ATP2A1: variants seen among roughly 807,000 people sequenced by gnomAD.
ATP2A1 encodes sarcoplasmic/endoplasmic reticulum calcium ATPase 1.
Under a neutral mutation model 109.5 loss-of-function variants are expected in ATP2A1, and 83 were observed. The ratio of observed to expected loss-of-function variants is 0.76; its 90% CI spans 0.63 to 0.91. The LOEUF (loss-of-function observed/expected upper bound fraction) is 0.91. Among genes scored for constraint, ATP2A1 ranks in the 40% least tolerant of loss-of-function variants. ATP2A1 has a pLI of 0.00. For synonymous variants in ATP2A1, 505 were observed against 537.6 expected (o/e 0.94, Z 0.84); for missense variants, 1,101 against 1,341.0 (o/e 0.82, Z 2.80).
At chr16:28,888,687 G>A in intron 8 of ATP2A1, 100 bp from the exon 9 acceptor site, 1 of 1,402,724 alleles carries the variant, frequency 7.1e-7, no homozygotes, top group Non-Finnish European at 9.8e-7. Context: ...TTATAGGTGT[G>A]CACCAACGTG....
rs1291666603 is a variant in ATP2A1 at position 28,902,590 on chromosome 16, T to C, written c.2535T>C (p.Gly845=). Residue 845 remains glycine, a synonymous_variant, in exon 18 of 23, where the codon GGT becomes GGC. Coordinates refer to ENST00000395503, the MANE Select transcript of ATP2A1 (RefSeq NM_004320.6). The surrounding 1 kb of genome is among the most constrained non-coding windows in gnomAD (Gnocchi z 4.8). ...CTCTCTCCACCACAGGCTATGTGGG[T>C]GCAGCCACCGTGGGAGCAGCTGCCT... is the stretch of plus-strand genomic sequence containing the variant. ...FRYMAIGGYV[G]AATVGAAAWW... is the part of the protein sequence containing the mutation. 3 of 1,613,914 alleles carry C rather than the reference T, an allele frequency of 1.9e-6. No homozygotes were observed. Among genetic ancestry groups the C allele is most frequent in the Non-Finnish European group, 2.5e-6 (3 of 1,179,926 alleles).
rs1230143015 is a variant in ATP2A1 at position 28,894,185 on chromosome 16, A to G, written c.1126A>G (p.Ile376Val). 1.2e-6 allele frequency: 2 copies of G among 1,613,908 alleles called. No individual in the cohort carries two copies. Among genetic ancestry groups the G allele is most frequent in the African/African-American group, 1.3e-5 (1 of 74,878 alleles). The change falls in exon 10 of 23, where the codon ATC becomes GTC. Residue 376 changes from isoleucine (I) to valine (V), a missense_variant. Coordinates refer to ENST00000395503, the MANE Select transcript of ATP2A1 (RefSeq NM_004320.6). ...TATCATTGACAAGGTGGATGGGGAC[A>G]TCTGCCTCCTGAATGAGTTCTCCAT... ...MFIIDKVDGD[I>V]CLLNEFSITG... is the part of the protein sequence containing the mutation.
chr16:28,889,908 C>T lies in ATP2A1; in HGVS notation c.1095+955C>T, dbSNP rs1056055588. On this transcript the variant is annotated intron_variant, in intron 9 of 22. Coordinates refer to ENST00000395503, the MANE Select transcript of ATP2A1 (RefSeq NM_004320.6). ...CCTGTAATCCCAACACTTTGGGAGGCCAAGATAGGCAGATCACGAGGTCAG... is the reference window on the plus strand; with the variant it reads ...CCTGTAATCCCAACACTTTGGGAGGTCAAGATAGGCAGATCACGAGGTCAG... 2.6e-5 allele frequency among the ~76,000 whole-genome samples: 4 copies of T among 152,162 alleles called. No individual in the cohort carries two copies. In the East Asian group the frequency reaches 7.7e-4, roughly 29 times the overall value.
chr16:28,893,249 G>A (rs1335788208), intron 9 of ATP2A1, among the ~76,000 whole-genome samples: 1 of 151,088 alleles, frequency 6.6e-6, no homozygotes, highest in Admixed American at 6.6e-5. Flanking sequence ...GAGAGAGAGA[G>A]AGCAAGAGAG....
At chr16:28,899,634 A>C (rs1388423982) in intron 14 of ATP2A1, among the ~76,000 whole-genome samples, 9 of 78,496 alleles carry the variant, frequency 1.1e-4, no homozygotes, top group African/African-American at 1.7e-4. Context: ...GCGAGACTCC[A>C]TCCCCTGCGC....
chr16:28,903,928 C>T lies in ATP2A1; in HGVS notation c.*37+187C>T. 1.3e-6 allele frequency: 1 copy of T among 751,512 alleles called. No individual in the cohort carries two copies. Among genetic ancestry groups the T allele is most frequent in the Non-Finnish European group, 2.3e-6 (1 of 432,464 alleles). 46.6% of individuals were successfully genotyped at this position (751,512 alleles called of 1,614,324 possible). ...TCCCACTGGGCGTCAGTTTGGCTCCCAGGCCCTGGGCAGTGCCAGCCTCTG... is the reference window on the plus strand; with the variant it reads ...TCCCACTGGGCGTCAGTTTGGCTCCTAGGCCCTGGGCAGTGCCAGCCTCTG... On this transcript the variant is annotated intron_variant, in intron 22 of 22. Transcript: ENST00000395503. This position sits in a 1 kb window ranked among gnomAD's most constrained non-coding sequence, Gnocchi z 5.6.
At chr16:28,890,861 T>C (rs1260126858) in intron 9 of ATP2A1, among the ~76,000 whole-genome samples, 2 of 151,992 alleles carry the variant, frequency 1.3e-5, no homozygotes, top group Admixed American at 6.5e-5. Context: ...AATTTTTGTA[T>C]TTTTAGTACA....
rs753947898 is a variant in ATP2A1, at chr16:28,900,571, A to G, written c.1765-10A>G. The G allele has an allele frequency of 6.5e-7, 1 of 1,544,166 alleles. No individual in the cohort carries two copies. The highest frequency in any genetic ancestry group is 8.7e-7 in the Non-Finnish European group (1 of 1,143,122). On this transcript the variant is annotated splice_polypyrimidine_tract_variant and intron_variant, in intron 14 of 22. Transcript: ENST00000395503. ...CACCTGACCTGTGGCTCTCTGCTGT[A>G]TCTCCCCAGACGGACCTGACATTCG...
intron 2 of ATP2A1, 44 bp downstream of exon 2, chr16:28,879,160 C>G (rs554670861): frequency 1.2e-6 from 2 of 1,610,176 alleles, no homozygotes; most frequent in East Asian, 2.2e-5. Context: ...GACCACCCCC[C>G]ACCCCGCCCT....
chr16:28,885,168 G>A (rs1474503290), intron 6 of ATP2A1, among the ~76,000 whole-genome samples: 1 of 150,836 alleles, frequency 6.6e-6, no homozygotes, highest in African/African-American at 2.4e-5. Context: ...AGAACTGCAT[G>A]AACCCAGGAG....
Position 28,903,207 on chromosome 16 carries a change from A to G in ATP2A1, c.2862+60A>G. ...GCACTGGGGAGCCCACGGCGGGCCCATGACCACTCCCACCAGGGGCGCCGA... is the reference window on the plus strand; with the variant it reads ...GCACTGGGGAGCCCACGGCGGGCCCGTGACCACTCCCACCAGGGGCGCCGA... On this transcript the variant is annotated intron_variant, in intron 20 of 22. Coordinates refer to ENST00000395503, the MANE Select transcript of ATP2A1 (RefSeq NM_004320.6). The surrounding 1 kb of genome is among the most constrained non-coding windows in gnomAD (Gnocchi z 5.6). 3 of 1,596,650 alleles carry G rather than the reference A, an allele frequency of 1.9e-6. No individual in the cohort carries two copies. Among genetic ancestry groups the G allele is most frequent in the Admixed American group, 1.7e-5 (1 of 59,978 alleles).
chr16:28,898,141 G>C lies in ATP2A1; in HGVS notation c.1545+16G>C. The C allele has an allele frequency of 6.2e-7, 1 of 1,614,178 alleles. No individual in the cohort carries two copies. Among genetic ancestry groups the C allele is most frequent in the Non-Finnish European group, 8.5e-7 (1 of 1,180,046 alleles). On this transcript the variant is annotated intron_variant, in intron 13 of 22. Transcript: ENST00000395503. This position sits in a 1 kb window ranked among gnomAD's most constrained non-coding sequence, Gnocchi z 4.0. ...GTTTGTCAAGGTCAGAAATCGGAATGTGCCTCAGCCCCCTCTTCTTCCTAC... is the reference window on the plus strand; with the variant it reads ...GTTTGTCAAGGTCAGAAATCGGAATCTGCCTCAGCCCCCTCTTCTTCCTAC...
In ATP2A1 at chr16:28,900,576, C is replaced by A; in HGVS notation, c.1765-5C>A. ...GACCTGTGGCTCTCTGCTGTATCTC[C>A]CCAGACGGACCTGACATTCGTGGGT... On this transcript the variant is annotated splice_polypyrimidine_tract_variant and splice_region_variant and intron_variant, in intron 14 of 22. Coordinates refer to ENST00000395503, the MANE Select transcript of ATP2A1 (RefSeq NM_004320.6). The A allele has an allele frequency of 6.4e-7, 1 of 1,558,354 alleles. No individual in the cohort carries two copies. The highest frequency in any genetic ancestry group is 8.7e-7 in the Non-Finnish European group (1 of 1,149,604).
intron 14 of ATP2A1, among the ~76,000 whole-genome samples, chr16:28,900,247 G>GAC (rs1241596770): frequency 6.6e-6 from 1 of 151,770 alleles, no homozygotes; most frequent in Non-Finnish European, 1.5e-5. Flanking sequence ...GCTGCAGTGA[G>GAC]CTATGATCGC....
At chr16:28,891,343 C>G (rs538794391) in intron 9 of ATP2A1, among the ~76,000 whole-genome samples, 1 of 148,588 alleles carries the variant, frequency 6.7e-6, no homozygotes, top group African/African-American at 2.5e-5. Flanking sequence ...GACTGTAATC[C>G]CAGCACTTTG....
In ATP2A1 at chr16:28,880,260, C is replaced by T. The variant is rs759867562; in HGVS notation, c.220-655C>T. On this transcript the variant is annotated intron_variant, in intron 3 of 22. Transcript: ENST00000395503. This position sits in a 1 kb window ranked among gnomAD's most constrained non-coding sequence, Gnocchi z 4.2. ...GCGGTCCATCTGCATGTCGCGGGTT[C>T]TTCCGCAGCATGTGAGCCTCGCTGG... Among the ~76,000 whole-genome samples the T allele has an allele frequency of 1.3e-5, 2 of 152,206 alleles. No individual in the cohort carries two copies. The highest frequency in any genetic ancestry group is 2.4e-5 in the African/African-American group (1 of 41,472).
rs993465416 is a variant in ATP2A1 at position 28,880,109 on chromosome 16, T to C, written c.219+526T>C. 4.0e-6 allele frequency: 4 copies of C among 996,874 alleles called. No individual in the cohort carries two copies. The highest frequency in any genetic ancestry group is 1.7e-5 in the African/African-American group (1 of 57,300). 61.8% of individuals were successfully genotyped at this position (996,874 alleles called of 1,614,324 possible). A position where few individuals can be genotyped will look rare whatever the true frequency, so the allele number is the denominator to read the frequency against. On this transcript the variant is annotated intron_variant, in intron 3 of 22. Transcript: ENST00000395503. This position sits in a 1 kb window ranked among gnomAD's most constrained non-coding sequence, Gnocchi z 4.2. ...CCCGGCGCCCGGTCAGGGAGGGCAC[T>C]GGCATCCCTCATTACCCGCCCAGCC...
In ATP2A1 at chr16:28,878,682, C is replaced by T; in HGVS notation, c.11C>T (p.Ala4Val). Reference sequence around the variant, plus strand: ...CAGGAAGGGAGCACAATGGAGGCCGCTCATGCTAAAACCACGGAGGAATGT... The same window carrying T: ...CAGGAAGGGAGCACAATGGAGGCCGTTCATGCTAAAACCACGGAGGAATGT... Reference protein sequence around the residue: MEAAHAKTTEECLA... With the variant: MEAVHAKTTEECLA... Residue 4 changes from alanine to valine, a missense_variant, in exon 1 of 23, where the codon GCT becomes GTT. Ala to Val is a moderately conservative substitution (Grantham distance 64). Transcript: ENST00000395503. The T allele has an allele frequency of 6.2e-7, 1 of 1,602,198 alleles. No individual in the cohort carries two copies. The highest frequency in any genetic ancestry group is 8.5e-7 in the Non-Finnish European group (1 of 1,173,866).
chr16:28,889,005 T>C (rs756631428), intron 9 of ATP2A1, 52 bp downstream of exon 9: 2 of 1,605,570 alleles, frequency 1.2e-6, no homozygotes, highest in Non-Finnish European at 1.7e-6. Context: ...CTGTGGGGGT[T>C]AAATGGGCCC....
Sources: allele counts gnomAD v4.1 joint callset (sites outside exome capture counted in the v4.1 genomes callset), GRCh38; gene constraint gnomAD v4.1.1; non-coding constraint Gnocchi (gnomAD v3.1); transcripts MANE v1.5; gene names NCBI Gene and HGNC (gene_info 2026-07-23, HGNC 2026-07-21).